The following CCSER1 variants were observed in gnomAD, a reference collection of about 807,000 sequenced individuals.
CCSER1 encodes coiled-coil serine rich protein 1.
CCSER1 carries 41 observed loss-of-function variants against 82.0 expected under a neutral mutation model. That is an observed-to-expected ratio of 0.50 (90% CI 0.39 to 0.65). The LOEUF is 0.65. Among genes scored for constraint, CCSER1 ranks in the 30% least tolerant of loss-of-function variants. The pLI is 0.00. For synonymous variants in CCSER1, 414 were observed against 383.9 expected (o/e 1.08, Z -0.92); for missense variants, 1,119 against 1,064.2 (o/e 1.05, Z -0.72).
intron 10 of CCSER1, among the ~76,000 whole-genome samples, chr4:91,518,938 A>G (rs1030267376): frequency 6.6e-6 from 1 of 152,218 alleles, no homozygotes; most frequent in Non-Finnish European, 1.5e-5. Context: ...ACTCTGATCC[A>G]TGCAGTGGCT....
intron 10 of CCSER1, among the ~76,000 whole-genome samples, chr4:91,168,937 T>C (rs1732462920): frequency 1.3e-5 from 2 of 152,086 alleles, no homozygotes; most frequent in South Asian, 4.1e-4. Flanking sequence ...CTGTGTCAAC[T>C]CAGGGTTAAA....
intron 7 of CCSER1, among the ~76,000 whole-genome samples, chr4:90,804,352 C>T (rs541735389): frequency 9.2e-5 from 14 of 152,166 alleles, no homozygotes; most frequent in Middle Eastern, 3.4e-3. Context: ...CTAGGTTTTA[C>T]GTTTAAGTCT....
In CCSER1 at chr4:90,266,600, C is replaced by T. The variant is rs535589235; in HGVS notation, c.-41-41644C>T. 1.1e-3 allele frequency among the ~76,000 whole-genome samples: 166 copies of T among 152,162 alleles called. 1 individual carries two copies. The highest frequency in any genetic ancestry group is 3.8e-3 in the African/African-American group (157 of 41,510). On this transcript the variant is annotated intron_variant, in intron 1 of 10. Transcript: ENST00000509176. Reference sequence around the variant, plus strand: ...GAAAGAAAGTCTTGAATTGCTGATGCCACCCCTCCCCCATTCTCTGACAGT... The same window carrying T: ...GAAAGAAAGTCTTGAATTGCTGATGTCACCCCTCCCCCATTCTCTGACAGT...
At chr4:90,724,331 A>G (rs1382879939) in intron 7 of CCSER1, among the ~76,000 whole-genome samples, 1 of 151,986 alleles carries the variant, frequency 6.6e-6, no homozygotes, top group Non-Finnish European at 1.5e-5. Flanking sequence ...GGAAACATTC[A>G]GCCCTCATCT....
chr4:91,157,995 T>C (rs1730988122), intron 10 of CCSER1, among the ~76,000 whole-genome samples: 1 of 152,042 alleles, frequency 6.6e-6, no homozygotes, highest in African/African-American at 2.4e-5. Context: ...CAGTATATTC[T>C]ACTTCTCAGA....
rs369597376 is a variant in CCSER1 at position 90,628,206 on chromosome 4, T to G, written c.1906T>G (p.Leu636Val). ...QDCTAVKTLL[L>V]KMKRVLQESA... is the part of the protein sequence containing the mutation. ...CTGCACGGCAGTCAAGACGTTATTA[T>G]TAAAGATGAAGAGAGTTCTTCAAGA... Residue 636 changes from leucine to valine, a missense_variant, in exon 6 of 11, where the codon TTA becomes GTA. Leu to Val is a conservative substitution (Grantham distance 32). Transcript: ENST00000509176. 1 of 1,613,698 alleles carries G rather than the reference T, an allele frequency of 6.2e-7. No homozygotes were observed. Among genetic ancestry groups the G allele is most frequent in the Non-Finnish European group, 8.5e-7 (1 of 1,179,716 alleles).
Position 90,995,643 on chromosome 4 carries a change from G to T in CCSER1, c.2172+72196G>T, listed in dbSNP as rs548570960. Among the ~76,000 whole-genome samples the T allele has an allele frequency of 9.9e-5, 15 of 152,100 alleles. No homozygotes were observed. In the East Asian group the frequency reaches 2.9e-3, roughly 29 times the overall value. On this transcript the variant is annotated intron_variant, in intron 9 of 10. Coordinates refer to ENST00000509176, the MANE Select transcript of CCSER1 (RefSeq NM_001145065.2). ...AGTTATTATTACAAAATTTTTTAAAGTTATATTACTTTTTATGAATATGAA... is the reference window on the plus strand; with the variant it reads ...AGTTATTATTACAAAATTTTTTAAATTTATATTACTTTTTATGAATATGAA...
intron 6 of CCSER1, among the ~76,000 whole-genome samples, chr4:90,656,273 G>A (rs527738458): frequency 6.6e-6 from 1 of 151,750 alleles, no homozygotes; most frequent in Admixed American, 6.6e-5. Context: ...TAAAACCTTC[G>A]AATATGACTA....
chr4:91,257,604 A>C (rs1006059039), intron 10 of CCSER1, among the ~76,000 whole-genome samples: 8 of 152,066 alleles, frequency 5.3e-5, no homozygotes, highest in African/African-American at 1.7e-4. Flanking sequence ...AAAGGAACAA[A>C]AATTTTGTTA....
chr4:90,795,052 G>T (rs1242862458), intron 7 of CCSER1, among the ~76,000 whole-genome samples: 2 of 152,120 alleles, frequency 1.3e-5, no homozygotes, highest in Admixed American at 1.3e-4. Context: ...CACTTTGGGA[G>T]GCAGAGGGTG....
At chr4:91,156,665 C>T (rs1183346770) in intron 10 of CCSER1, among the ~76,000 whole-genome samples, 1 of 151,634 alleles carries the variant, frequency 6.6e-6, no homozygotes, top group Non-Finnish European at 1.5e-5. Flanking sequence ...TAAATAAAAG[C>T]TGTAAAACAG....
At chr4:90,651,038 A>G (rs1290313212) in intron 6 of CCSER1, among the ~76,000 whole-genome samples, 1 of 152,240 alleles carries the variant, frequency 6.6e-6, no homozygotes, top group Non-Finnish European at 1.5e-5. Flanking sequence ...CTTCATTTGT[A>G]GAATAAAGAC....
At chr4:90,800,412 A>AT (rs1257260601) in intron 7 of CCSER1, among the ~76,000 whole-genome samples, 5 of 151,640 alleles carry the variant, frequency 3.3e-5, no homozygotes, top group African/African-American at 7.3e-5. Flanking sequence ...TTTATTTTTT[A>AT]TTTTTTTCAT....
intron 9 of CCSER1, among the ~76,000 whole-genome samples, chr4:90,966,406 T>C (rs978580611): frequency 4.6e-5 from 7 of 152,062 alleles, no homozygotes; most frequent in Non-Finnish European, 8.8e-5. Context: ...TGACTTCTTA[T>C]CAAAAGCAGG....
chr4:90,825,415 T>C (rs575734940), intron 8 of CCSER1, among the ~76,000 whole-genome samples: 91 of 152,302 alleles, frequency 6.0e-4, no homozygotes, highest in Non-Finnish European at 1.1e-3. Context: ...TTCCAGTACT[T>C]AGAGTAATTT....
intron 1 of CCSER1, among the ~76,000 whole-genome samples, chr4:90,153,155 G>A (rs1167776104): frequency 6.6e-6 from 1 of 150,556 alleles, no homozygotes; most frequent in African/African-American, 2.4e-5. Flanking sequence ...TTGTTCTTGA[G>A]ATAGTTTACT....
At chr4:91,094,595 T>G (rs1724311219) in intron 10 of CCSER1, among the ~76,000 whole-genome samples, 1 of 152,166 alleles carries the variant, frequency 6.6e-6, no homozygotes, top group Admixed American at 6.5e-5. Context: ...GCATGTAAGA[T>G]GAACCTGTAT....
chr4:91,217,977 C>T (rs1452506173), intron 10 of CCSER1, among the ~76,000 whole-genome samples: 1 of 152,250 alleles, frequency 6.6e-6, no homozygotes. Flanking sequence ...TCGCATTCCT[C>T]AGCCCTTGGG....
At chr4:91,183,380 TA>T (rs368660137) in intron 10 of CCSER1, among the ~76,000 whole-genome samples, 2 of 151,828 alleles carry the variant, frequency 1.3e-5, no homozygotes, top group Admixed American at 6.5e-5. Flanking sequence ...GACCTATCTG[TA>T]AAAAACATTT....
Sources: allele counts gnomAD v4.1 joint callset (sites outside exome capture counted in the v4.1 genomes callset), GRCh38; gene constraint gnomAD v4.1.1; transcripts MANE v1.5; gene names NCBI Gene and HGNC (gene_info 2026-07-23, HGNC 2026-07-21).